The following ADGRB3 variants were observed in gnomAD, a reference collection of about 807,000 sequenced individuals.
ADGRB3 encodes brain-specific angiogenesis inhibitor 3.
A neutral mutation model predicts 193.4 loss-of-function variants in ADGRB3; 37 were observed. The observed-to-expected ratio is 0.19, with a 90% CI of 0.15 to 0.25. The LOEUF (loss-of-function observed/expected upper bound fraction) is 0.25, where lower values mean the gene tolerates loss of function less well. ADGRB3 is among the 10% of genes least tolerant of loss of function. The pLI, the probability that ADGRB3 is intolerant of heterozygous loss-of-function variation, is 1.00. For synonymous variants in ADGRB3, 690 were observed against 644.2 expected, an observed-to-expected ratio of 1.07 and a Z score of -1.08; for missense variants, 1,637 against 1,852.9, an observed-to-expected ratio of 0.88 and a Z score of 2.14.
chr6:68,834,643 A>G (rs1026879304), intron 3 of ADGRB3, among the ~76,000 whole-genome samples: 1 of 152,246 alleles, frequency 6.6e-6, no homozygotes, highest in African/African-American at 2.4e-5. Flanking sequence ...TTTCAACTCG[A>G]TATTTCTCCA....
At chr6:69,298,461 G>A (rs1767877366) in intron 20 of ADGRB3, among the ~76,000 whole-genome samples, 1 of 151,886 alleles carries the variant, frequency 6.6e-6, no homozygotes, top group Non-Finnish European at 1.5e-5. Flanking sequence ...TCACTCTGTT[G>A]TGCTACTGAA....
chr6:68,691,844 A>T (rs1329788503), intron 3 of ADGRB3, among the ~76,000 whole-genome samples: 3 of 6,160 alleles, frequency 4.9e-4, no homozygotes, highest in East Asian at 6.0e-3. Flanking sequence ...AAGGACAATT[A>T]TATATATATA....
intron 6 of ADGRB3, among the ~76,000 whole-genome samples, chr6:68,944,460 A>T (rs950609113): frequency 8.5e-5 from 13 of 152,170 alleles, no homozygotes; most frequent in African/African-American, 3.1e-4. Context: ...CTCTTGCTGG[A>T]TGCATAAAAT....
At position 69,233,398 on chromosome 6, in the gene ADGRB3, T is replaced by G; in HGVS notation, c.2589T>G (p.Ala863=). The change falls in exon 18 of 32, where the codon GCT becomes GCG. Residue 863 remains alanine, a synonymous_variant. Transcript: ENST00000370598. The part of the protein sequence containing the change: ...CDRLSTFAIL[A]QQPREIIMES... ...GTCTCTCTACCTTCGCCATTTTGGC[T>G]CAGCAACCTAGAGAAATAGTAAGTA... 6.2e-7 allele frequency: 1 copy of G among 1,614,098 alleles called. No homozygotes were observed. The highest frequency in any genetic ancestry group is 1.3e-5 in the African/African-American group (1 of 75,030).
intron 3 of ADGRB3, among the ~76,000 whole-genome samples, chr6:68,759,036 G>A (rs1289364788): frequency 1.3e-5 from 2 of 152,088 alleles, no homozygotes; most frequent in East Asian, 3.9e-4. Context: ...GAACTCTAGA[G>A]GGCTTGAAAA....
At position 69,240,016 on chromosome 6, in the gene ADGRB3, C is replaced by G. The variant is rs182946768; in HGVS notation, c.2814+790C>G. On this transcript the variant is annotated intron_variant, in intron 20 of 31. Coordinates refer to ENST00000370598, the MANE Select transcript of ADGRB3 (RefSeq NM_001704.3). ...TGTTATTTTTCATTTTTTTAATTTT[C>G]AAATACAAAAGCGAATAATTAAAAA... 1.1e-3 allele frequency among the ~76,000 whole-genome samples: 174 copies of G among 151,982 alleles called. 1 individual carries two copies. Among genetic ancestry groups the G allele is most frequent in the Non-Finnish European group, 3.1e-4 (21 of 67,926 alleles).
At chr6:69,197,520 CAG>C (rs1765327482) in intron 17 of ADGRB3, among the ~76,000 whole-genome samples, 1 of 151,722 alleles carries the variant, frequency 6.6e-6, no homozygotes, top group African/African-American at 2.4e-5. Flanking sequence ...TGGATACAAA[CAG>C]ATATATCGAT....
At chr6:68,777,651 T>C (rs143371254) in intron 3 of ADGRB3, among the ~76,000 whole-genome samples, 96 of 145,660 alleles carry the variant, frequency 6.6e-4, no homozygotes, top group African/African-American at 2.4e-3. Context: ...AAGCAATCAA[T>C]TGATCTCTCT....
chr6:69,110,760 C>A (rs969425764), intron 17 of ADGRB3, among the ~76,000 whole-genome samples: 1 of 152,076 alleles, frequency 6.6e-6, no homozygotes, highest in Non-Finnish European at 1.5e-5. Flanking sequence ...TTGATGGAAA[C>A]AGGGGTTTGT....
intron 6 of ADGRB3, among the ~76,000 whole-genome samples, chr6:68,953,583 A>G (rs540164252): frequency 4.1e-4 from 63 of 152,332 alleles, no homozygotes; most frequent in Admixed American, 4.0e-3. Flanking sequence ...ATAATATCCT[A>G]TTGCTTCACT....
intron 20 of ADGRB3, among the ~76,000 whole-genome samples, chr6:69,265,588 C>T (rs967546286): frequency 1.3e-5 from 2 of 151,860 alleles, no homozygotes; most frequent in African/African-American, 4.8e-5. Context: ...GGAAAGTTAC[C>T]AAATTACGTG....
chr6:69,078,527 A>C (rs1443447020), intron 17 of ADGRB3, among the ~76,000 whole-genome samples: 1 of 152,020 alleles, frequency 6.6e-6, no homozygotes, highest in East Asian at 1.9e-4. Context: ...TGGAAAATTT[A>C]TTTTACACTA....
chr6:69,034,824 T>G (rs1057062485), intron 13 of ADGRB3, among the ~76,000 whole-genome samples: 3 of 151,772 alleles, frequency 2.0e-5, no homozygotes, highest in Admixed American at 1.3e-4. Flanking sequence ...AAATTTTATA[T>G]AGTTAAAAAG....
In ADGRB3 at chr6:69,281,010, G is replaced by A. The variant is rs1384066724; in HGVS notation, c.2814+41784G>A. 2.0e-5 allele frequency among the ~76,000 whole-genome samples: 3 copies of A among 152,118 alleles called. No homozygotes were observed. The East Asian group carries it at 5.8e-4, about 29-fold the overall frequency. On this transcript the variant is annotated intron_variant, in intron 20 of 31. Coordinates refer to ENST00000370598, the MANE Select transcript of ADGRB3 (RefSeq NM_001704.3). ...ATCCCCTCCTGAAATACAGCAGCAGGCCAATTAATTAGTATGAAAGCTTAG... is the reference window on the plus strand; with the variant it reads ...ATCCCCTCCTGAAATACAGCAGCAGACCAATTAATTAGTATGAAAGCTTAG...
At chr6:68,937,038 A>G (rs984869801) in intron 5 of ADGRB3, among the ~76,000 whole-genome samples, 3 of 152,190 alleles carry the variant, frequency 2.0e-5, no homozygotes, top group African/African-American at 7.2e-5. Context: ...AATATAATGT[A>G]TATTCATGGC....
intron 3 of ADGRB3, among the ~76,000 whole-genome samples, chr6:68,801,757 T>C (rs1025481464): frequency 6.6e-6 from 1 of 152,130 alleles, no homozygotes; most frequent in Non-Finnish European, 1.5e-5. Context: ...AAGAGCTCAG[T>C]GCTCTCCTCT....
chr6:69,234,532 TA>T (rs1379031847), intron 18 of ADGRB3, among the ~76,000 whole-genome samples: 1 of 152,150 alleles, frequency 6.6e-6, no homozygotes, highest in Non-Finnish European at 1.5e-5. Context: ...TGACTTAGAA[TA>T]AAGTTGTCAA....
chr6:69,202,409 A>G (rs1330058930), intron 17 of ADGRB3, among the ~76,000 whole-genome samples: 1 of 152,048 alleles, frequency 6.6e-6, no homozygotes, highest in East Asian at 1.9e-4. Flanking sequence ...GCATTATTCC[A>G]TTTATTATAA....
intron 20 of ADGRB3, among the ~76,000 whole-genome samples, chr6:69,308,231 C>G (rs1270800519): frequency 2.0e-5 from 3 of 151,438 alleles, no homozygotes; most frequent in Non-Finnish European, 4.4e-5. Flanking sequence ...TCTAGTCTCA[C>G]TGGACATGTT....
Sources: gnomAD v4.1 joint callset for allele counts (sites outside exome capture counted in the v4.1 genomes callset) on GRCh38, gnomAD v4.1.1 for gene constraint, MANE v1.5 for transcripts, NCBI Gene and HGNC (gene_info 2026-07-23, HGNC 2026-07-21) for gene names.